The following KLF12 variants were observed in gnomAD, a reference collection of about 807,000 sequenced individuals.
The protein encoded by KLF12 is Krueppel-like factor 12.
In KLF12, 9 loss-of-function variants were observed where a neutral mutation model predicts 37.8. The ratio of observed to expected loss-of-function variants is 0.24; its 90% CI spans 0.14 to 0.42. The LOEUF (loss-of-function observed/expected upper bound fraction) is 0.42. KLF12 is among the 10% of genes least tolerant of loss of function. The pLI is 1.00. For missense variants in KLF12, 411 were observed against 516.0 expected (o/e 0.80, Z 1.97); for synonymous variants, 208 against 202.1 (o/e 1.03, Z -0.25).
chr13:74,241,874 C>T, the KLF12 span, among the ~76,000 whole-genome samples: 1 of 152,208 alleles, frequency 6.6e-6, no homozygotes, highest in Non-Finnish European at 1.5e-5. Flanking sequence ...AACCCGGTAC[C>T]TCAGATGGAA....
intron 3 of KLF12, among the ~76,000 whole-genome samples, chr13:73,908,010 G>A (rs1360797880): frequency 6.6e-6 from 1 of 152,126 alleles, no homozygotes; most frequent in African/African-American, 2.4e-5. Flanking sequence ...CCTGGAATGA[G>A]AATAGTCTAG....
chr13:74,116,513 C>T (rs1877311198), intron 1 of KLF12, among the ~76,000 whole-genome samples: 1 of 152,182 alleles, frequency 6.6e-6, no homozygotes, highest in South Asian at 2.1e-4. Flanking sequence ...TTTAGGCTTT[C>T]ATTTGAAACA....
intron 4 of KLF12, among the ~76,000 whole-genome samples, chr13:73,835,240 A>G (rs1418295931): frequency 2.0e-5 from 3 of 152,160 alleles, no homozygotes; most frequent in Non-Finnish European, 2.9e-5. Flanking sequence ...ATCCGGGGGC[A>G]TGGAAGAAAA....
intron 1 of KLF12, among the ~76,000 whole-genome samples, chr13:74,076,722 G>T (rs1208140635): frequency 6.6e-6 from 1 of 152,110 alleles, no homozygotes; most frequent in East Asian, 1.9e-4. Flanking sequence ...GGGGTTTGTT[G>T]TACAGATTAT....
chr13:73,702,386 A>G (rs148814816), intron 7 of KLF12, among the ~76,000 whole-genome samples: 43 of 152,330 alleles, frequency 2.8e-4, no homozygotes, highest in African/African-American at 1.0e-3. Context: ...CCAAACAAAA[A>G]TAACTTTTTC....
At chr13:74,002,652 G>A (rs767779488) in intron 1 of KLF12, among the ~76,000 whole-genome samples, 1 of 151,816 alleles carries the variant, frequency 6.6e-6, no homozygotes, top group African/African-American at 2.4e-5. Context: ...ACAGGCATGA[G>A]CCACTGTACC....
At chr13:73,999,498 C>T (rs1441273057) in intron 1 of KLF12, among the ~76,000 whole-genome samples, 4 of 152,112 alleles carry the variant, frequency 2.6e-5, no homozygotes, top group South Asian at 2.1e-4. Flanking sequence ...CTTTGGGAGA[C>T]CCAGGTGGGC....
intron 6 of KLF12, among the ~76,000 whole-genome samples, chr13:73,747,927 G>A (rs1878482424): frequency 6.6e-6 from 1 of 152,110 alleles, no homozygotes; most frequent in South Asian, 2.1e-4. Flanking sequence ...TAAATAAAAT[G>A]GTATCTATGA....
chr13:73,725,266 A>G (rs1876575564), intron 6 of KLF12, among the ~76,000 whole-genome samples: 1 of 152,004 alleles, frequency 6.6e-6, no homozygotes, highest in South Asian at 2.1e-4. Context: ...ACACCCAGCT[A>G]ATTTTTGTAT....
chr13:74,237,830 A>T, the KLF12 span, among the ~76,000 whole-genome samples: 1 of 152,240 alleles, frequency 6.6e-6, no homozygotes, highest in African/African-American at 2.4e-5. Flanking sequence ...CAGCTTAAGG[A>T]GATTTTGGGC....
intron 1 of KLF12, among the ~76,000 whole-genome samples, chr13:74,048,778 C>T (rs987514031): frequency 6.6e-5 from 10 of 152,030 alleles, no homozygotes; most frequent in Non-Finnish European, 1.2e-4. Context: ...GCACTCTCTC[C>T]CCAATTCAAA....
the KLF12 span, among the ~76,000 whole-genome samples, chr13:74,244,710 A>AT: frequency 6.6e-6 from 1 of 152,098 alleles, no homozygotes; most frequent in Admixed American, 6.5e-5. Flanking sequence ...ATCCCTTCAT[A>AT]TTTTTTGGAT....
chr13:74,300,776 G>A, the KLF12 span, among the ~76,000 whole-genome samples: 1 of 152,292 alleles, frequency 6.6e-6, no homozygotes, highest in Non-Finnish European at 1.5e-5. Flanking sequence ...TTGCAATAAA[G>A]ATAAGTAGTT....
At chr13:73,795,081 A>T (rs1003801183) in intron 5 of KLF12, among the ~76,000 whole-genome samples, 2 of 152,202 alleles carry the variant, frequency 1.3e-5, no homozygotes, top group African/African-American at 4.8e-5. Context: ...GAGATTTGCT[A>T]AAAAGAAAGT....
chr13:74,164,003 G>A, the KLF12 span, among the ~76,000 whole-genome samples: 1 of 152,100 alleles, frequency 6.6e-6, no homozygotes, highest in South Asian at 2.1e-4. Flanking sequence ...AATAATTGAA[G>A]ATGACGCAGG....
intron 3 of KLF12, among the ~76,000 whole-genome samples, chr13:73,865,804 G>C (rs1212710593): frequency 6.6e-6 from 1 of 152,102 alleles, no homozygotes; most frequent in Non-Finnish European, 1.5e-5. Context: ...CAAAAACCTA[G>C]TCAAATATAG....
chr13:73,968,298 C>A (rs192411911), intron 2 of KLF12, among the ~76,000 whole-genome samples: 26 of 152,294 alleles, frequency 1.7e-4, no homozygotes, highest in Admixed American at 1.6e-3. Flanking sequence ...AACATGCTCT[C>A]TTGTAAGTGA....
the KLF12 span, among the ~76,000 whole-genome samples, chr13:74,206,411 C>A: frequency 6.6e-6 from 1 of 152,114 alleles, no homozygotes; most frequent in South Asian, 2.1e-4. Context: ...TCATTCAGTT[C>A]CAAACAATTA....
intron 1 of KLF12, among the ~76,000 whole-genome samples, chr13:74,026,637 T>G (rs760499466): frequency 4.6e-5 from 7 of 152,222 alleles, no homozygotes; most frequent in Non-Finnish European, 8.8e-5. Flanking sequence ...TGTATTTTAC[T>G]ATAATTAAAA....
Sources: gnomAD v4.1 joint callset for allele counts (sites outside exome capture counted in the v4.1 genomes callset) on GRCh38, gnomAD v4.1.1 for gene constraint, MANE v1.5 for transcripts, NCBI Gene and HGNC (gene_info 2026-07-23, HGNC 2026-07-21) for gene names.